HEMK1: variants seen among roughly 807,000 people sequenced by gnomAD.
HEMK1 encodes MTRF1L release factor glutamine methyltransferase.
Under a neutral mutation model 47.9 loss-of-function variants are expected in HEMK1, and 36 were observed. That is an observed-to-expected ratio of 0.75 (90% CI 0.58 to 0.99). The LOEUF is 0.99. Ranked by LOEUF, HEMK1 falls within the 50% of genes least tolerant of loss-of-function variation. HEMK1 has a pLI of 0.00. For missense variants in HEMK1, 383 were observed against 434.5 expected, an observed-to-expected ratio of 0.88 and a Z score of 1.05; for synonymous variants, 153 against 165.4, an observed-to-expected ratio of 0.93 and a Z score of 0.57.
Position 50,590,967 on chromosome 3 carries a change from A to C in HEMK1, c.*10550A>C, listed in dbSNP as rs1249146395. 3 of 152,088 alleles carry C rather than the reference A, an allele frequency of 2.0e-5. No individual in the cohort carries two copies. Among genetic ancestry groups the C allele is most frequent in the Admixed American group, 6.5e-5 (1 of 15,278 alleles). 9.4% of individuals were successfully genotyped at this position (152,088 alleles called of 1,614,324 possible). On this transcript the variant is annotated 3_prime_UTR_variant, in exon 11 of 11. Transcript: ENST00000232854. ...TTGGAAAGAGAGAAATGAGAAGCAAAACCCTAGGGCCCCAGTATCACCCCT... is the reference window on the plus strand; with the variant it reads ...TTGGAAAGAGAGAAATGAGAAGCAACACCCTAGGGCCCCAGTATCACCCCT...
intron 8 of HEMK1, 98 bp downstream of exon 8, chr3:50,579,024 G>A: frequency 2.3e-6 from 2 of 888,204 alleles, no homozygotes; most frequent in Non-Finnish European, 3.5e-6. Context: ...CAGGGGAGTT[G>A]GTGCTGAAAT....
chr3:50,571,367 G>A, intron 2 of HEMK1, 35 bp downstream of exon 2: 1 of 1,458,500 alleles, frequency 6.9e-7, no homozygotes, highest in South Asian at 1.3e-5. Flanking sequence ...ACAGGAAGAG[G>A]GAGGAGGGAG....
chr3:50,570,818 A>G (rs1700869341), intron 1 of HEMK1, 113 bp from the exon 2 acceptor site: 1 of 321,758 alleles, frequency 3.1e-6, no homozygotes, highest in African/African-American at 2.1e-5. Flanking sequence ...AAGGCTCTAA[A>G]TGGAGTCAAG....
rs973082056 is a variant in HEMK1, at chr3:50,593,186, G to C, written c.*12769G>C. 2 of 152,328 alleles carry C rather than the reference G, an allele frequency of 1.3e-5. No homozygotes were observed. The highest frequency in any genetic ancestry group is 2.9e-5 in the Non-Finnish European group (2 of 68,198). The allele number at this position is 152,328 out of a possible 1,614,324, so 9.4% of individuals were successfully genotyped here. A position where few individuals can be genotyped will look rare whatever the true frequency, so the allele number is the denominator to read the frequency against. On this transcript the variant is annotated 3_prime_UTR_variant, in exon 11 of 11. Transcript: ENST00000232854. ...CACCACCCACTCCCACTCCCGATGG[G>C]AGCCTCAGGCCTGGCTTAGGAACCC...
At chr3:50,574,847 G>A (rs1701393756) in intron 4 of HEMK1, among the ~76,000 whole-genome samples, 1 of 152,222 alleles carries the variant, frequency 6.6e-6, no homozygotes, top group South Asian at 2.1e-4. Context: ...GTTAGGTGCA[G>A]AAGAGGCTTG....
intron 10 of HEMK1, 62 bp downstream of exon 10, chr3:50,580,291 G>T: frequency 6.2e-7 from 1 of 1,606,172 alleles, no homozygotes; most frequent in Non-Finnish European, 8.5e-7. Context: ...GCCATCCTCA[G>T]CCCTGGCTGT....
chr3:50,569,878 A>G (rs1213757575), intron 1 of HEMK1: 2 of 151,308 alleles, frequency 1.3e-5, no homozygotes, highest in African/African-American at 2.4e-5. Context: ...TCTGGCACCC[A>G]GGCTGGAGTG....
At chr3:50,578,019 TGCACG>T in intron 7 of HEMK1, 144 bp downstream of exon 7, 2 of 785,438 alleles carry the variant, frequency 2.5e-6, no homozygotes, top group Non-Finnish European at 4.4e-6. Context: ...CGTGTGTGTG[TGCACG>T]TTTGTGGCAG....
At position 50,591,909 on chromosome 3, in the gene HEMK1, A is replaced by G. The variant is rs59949730; in HGVS notation, c.*11492A>G. The G allele has an allele frequency of 0.1, 15,293 of 151,958 alleles. 947 individuals carry two copies. Among genetic ancestry groups the G allele is most frequent in the Non-Finnish European group, 0.13 (8,895 of 67,976 alleles). 9.4% of individuals were successfully genotyped at this position (151,958 alleles called of 1,614,324 possible). A position where few individuals can be genotyped will look rare whatever the true frequency, so the allele number is the denominator to read the frequency against. ...AGGTCAGGAGATCGAGACCATCCTG[A>G]CTAACACGGTGAAACCCTGTCTCTA... On this transcript the variant is annotated 3_prime_UTR_variant, in exon 11 of 11. Coordinates refer to ENST00000232854, the MANE Select transcript of HEMK1 (RefSeq NM_016173.5).
Position 50,578,929 on chromosome 3 carries a change from G to A in HEMK1, c.770+3G>A, listed in dbSNP as rs1170965768. On this transcript the variant is annotated splice_donor_region_variant and intron_variant, in intron 8 of 10. Coordinates refer to ENST00000232854, the MANE Select transcript of HEMK1 (RefSeq NM_016173.5). ...CAGCTGGCCCCTGAGATCCGCAGGTGCTAAGCAGGGTGGGCCAGGGAGGCC... is the reference window on the plus strand; with the variant it reads ...CAGCTGGCCCCTGAGATCCGCAGGTACTAAGCAGGGTGGGCCAGGGAGGCC... The A allele has an allele frequency of 6.2e-7, 1 of 1,607,420 alleles. No individual in the cohort carries two copies. Among genetic ancestry groups the A allele is most frequent in the African/African-American group, 1.3e-5 (1 of 74,958 alleles).
At chr3:50,578,329 C>G (rs531837304) in intron 7 of HEMK1, among the ~76,000 whole-genome samples, 1 of 152,190 alleles carries the variant, frequency 6.6e-6, no homozygotes, top group Non-Finnish European at 1.5e-5. Context: ...TTGCCTTACC[C>G]GTGGGATCCT....
At chr3:50,572,262 ACCAGTCTTACC>A in intron 4 of HEMK1, 54 bp downstream of exon 4, 20 of 1,570,360 alleles carry the variant, frequency 1.3e-5, no homozygotes, top group Non-Finnish European at 1.7e-5. Flanking sequence ...AGTTCAGGGC[ACCAGTCTTACC>A]CCAGGCTTCC....
Position 50,569,587 on chromosome 3 carries a change from G to C in HEMK1, c.-175+13G>C, listed in dbSNP as rs927649022. ...GCCTTTCAGGCAGGTATGCATGGGA[G>C]GTGGGGATCGGAACGGGGTGTTTCG... On this transcript the variant is annotated intron_variant, in intron 1 of 10. Coordinates refer to ENST00000232854, the MANE Select transcript of HEMK1 (RefSeq NM_016173.5). 6.6e-6 allele frequency: 1 copy of C among 152,322 alleles called. No homozygotes were observed. The highest frequency in any genetic ancestry group is 1.5e-5 in the Non-Finnish European group (1 of 68,096). 9.4% of individuals were successfully genotyped at this position (152,322 alleles called of 1,614,324 possible).
rs36107331 is a variant in HEMK1, at chr3:50,586,950, A to ATT, written c.*6547_*6548dup. 4 of 145,256 alleles carry ATT rather than the reference A, an allele frequency of 2.8e-5. No homozygotes were observed. The highest frequency in any genetic ancestry group is 2.2e-4 in the South Asian group (1 of 4,552). 9.0% of individuals were successfully genotyped at this position (145,256 alleles called of 1,614,324 possible). A position where few individuals can be genotyped will look rare whatever the true frequency, so the allele number is the denominator to read the frequency against. ...AACAACCCTGCCTGGCTAATTTTTA[A>ATT]TTTTTTTTTTTTTTTAGAAACGGGG... On this transcript the variant is annotated 3_prime_UTR_variant, in exon 11 of 11. Transcript: ENST00000232854.
At position 50,591,684 on chromosome 3, in the gene HEMK1, G is replaced by A. The variant is rs1029237388; in HGVS notation, c.*11267G>A. 9 of 153,130 alleles carry A rather than the reference G, an allele frequency of 5.9e-5. No homozygotes were observed. The highest frequency in any genetic ancestry group is 1.3e-4 in the Non-Finnish European group (9 of 69,048). 9.5% of individuals were successfully genotyped at this position (153,130 alleles called of 1,614,324 possible). A position where few individuals can be genotyped will look rare whatever the true frequency, so the allele number is the denominator to read the frequency against. On this transcript the variant is annotated 3_prime_UTR_variant, in exon 11 of 11. Coordinates refer to ENST00000232854, the MANE Select transcript of HEMK1 (RefSeq NM_016173.5). ...TGCACGTGTGTGTGTGTGTGTGTGT[G>A]TGTGTGTGTGTGTTTGTGTGTGTGT... is the stretch of plus-strand genomic sequence containing the variant.
rs376978330 is a variant in HEMK1 at position 50,571,054 on chromosome 3, T to G, written c.-51T>G. The G allele has an allele frequency of 8.4e-6, 12 of 1,421,310 alleles. No homozygotes were observed. Among genetic ancestry groups the G allele is most frequent in the Non-Finnish European group, 1.1e-5 (11 of 1,040,978 alleles). The allele number at this position is 1,421,310 out of a possible 1,614,324, so 88.0% of individuals were successfully genotyped here. A position where few individuals can be genotyped will look rare whatever the true frequency, so the allele number is the denominator to read the frequency against. ...GCACTCACCTCAGCAGCTGACATCA[T>G]AAAGCAGACTTGGGAACCTGGAAGC... On this transcript the variant is annotated 5_prime_UTR_variant, in exon 2 of 11. Coordinates refer to ENST00000232854, the MANE Select transcript of HEMK1 (RefSeq NM_016173.5).
At position 50,570,940 on chromosome 3, in the gene HEMK1, C is replaced by A; in HGVS notation, c.-165C>A. The A allele has an allele frequency of 2.0e-6, 1 of 512,366 alleles. No homozygotes were observed. The highest frequency in any genetic ancestry group is 3.4e-6 in the Non-Finnish European group (1 of 291,452). 31.7% of individuals were successfully genotyped at this position (512,366 alleles called of 1,614,324 possible). ...TTCCTCTCACTCCCAGGGTGGCAAC[C>A]AACTATATCTGAGGACCAGAGCCAT... is the stretch of plus-strand genomic sequence containing the variant. On this transcript the variant is annotated 5_prime_UTR_variant, in exon 2 of 11. Transcript: ENST00000232854.
chr3:50,569,861 G>A (rs1459344628), intron 1 of HEMK1: 1 of 151,648 alleles, frequency 6.6e-6, no homozygotes, highest in Non-Finnish European at 1.5e-5. Flanking sequence ...TTGAGACGGA[G>A]TCTCTCTCTG....
In HEMK1 at chr3:50,572,060, G is replaced by T; in HGVS notation, c.321-55G>T. On this transcript the variant is annotated intron_variant, in intron 3 of 10. Coordinates refer to ENST00000232854, the MANE Select transcript of HEMK1 (RefSeq NM_016173.5). ...ACAAGTGGTATCTCAACCCAGGCAT[G>T]GTCCTGTTGGTCCTAGCTCTGTCCC... The T allele has an allele frequency of 3.1e-6, 5 of 1,609,272 alleles. No individual in the cohort carries two copies. In the South Asian group the frequency reaches 5.5e-5, roughly 18 times the overall value.
Sources: allele counts gnomAD v4.1 joint callset (sites outside exome capture counted in the v4.1 genomes callset), GRCh38; gene constraint gnomAD v4.1.1; transcripts MANE v1.5; gene names NCBI Gene and HGNC (gene_info 2026-07-23, HGNC 2026-07-21).